Variants in SPTB observed in about 807,000 individuals in gnomAD.
The protein encoded by SPTB is spectrin beta chain, erythrocytic.
In SPTB, 45 loss-of-function variants were observed where a neutral mutation model predicts 256.2. The ratio of observed to expected loss-of-function variants is 0.18; its 90% CI spans 0.14 to 0.23. The LOEUF (loss-of-function observed/expected upper bound fraction) is 0.23, where lower values mean the gene tolerates loss of function less well. Among genes scored for constraint, SPTB ranks in the 10% least tolerant of loss-of-function variants. The pLI is 1.00. For missense variants in SPTB, 2,715 were observed against 3,040.4 expected (o/e 0.89, Z 2.52); for synonymous variants, 1,231 against 1,243.1 (o/e 0.99, Z 0.21).
intron 20 of SPTB, 116 bp from the exon 21 acceptor site, chr14:64,780,047 T>G (rs1463592999): frequency 2.3e-6 from 2 of 856,122 alleles, no homozygotes; most frequent in Admixed American, 1.8e-5. Context: ...CTCAACTTCC[T>G]CCAAGGAGTC....
intron 20 of SPTB, among the ~76,000 whole-genome samples, chr14:64,781,767 T>C (rs1355441805): frequency 6.6e-6 from 1 of 152,278 alleles, no homozygotes; most frequent in Non-Finnish European, 1.5e-5. Flanking sequence ...TGTACACTTA[T>C]GTTCACTGCA....
At chr14:64,784,517 A>G in intron 18 of SPTB, 124 bp from the exon 19 acceptor site, 1 of 1,288,788 alleles carries the variant, frequency 7.8e-7, no homozygotes, top group Non-Finnish European at 1.1e-6. Context: ...ACAGAAGAGA[A>G]CCCATCTGCA....
At chr14:64,814,396 T>C (rs1361082596) in intron 2 of SPTB, among the ~76,000 whole-genome samples, 1 of 152,358 alleles carries the variant, frequency 6.6e-6, no homozygotes, top group African/African-American at 2.4e-5. Context: ...AAAGTGTCTA[T>C]ATGAGACTTT....
In SPTB at chr14:64,749,110, G is replaced by A. The variant is rs2081898499; in HGVS notation, c.*196C>T. On this transcript the variant is annotated 3_prime_UTR_variant, in exon 36 of 36. Transcript: ENST00000644917. This position sits in a 1 kb window ranked among gnomAD's most constrained non-coding sequence, Gnocchi z 4.7. ...TGTCCCTGGAGCGGAGCCAGCGCGG[G>A]CGAGGGCATGGAGGGGGCGTCGGCC... 3 of 565,106 alleles carry A rather than the reference G, an allele frequency of 5.3e-6. No homozygotes were observed. The highest frequency in any genetic ancestry group is 8.9e-6 in the Non-Finnish European group (3 of 337,276). 35.0% of individuals were successfully genotyped at this position (565,106 alleles called of 1,614,324 possible).
chr14:64,804,700 G>T (rs549820105), intron 3 of SPTB, among the ~76,000 whole-genome samples: 1 of 152,338 alleles, frequency 6.6e-6, no homozygotes, highest in African/African-American at 2.4e-5. Context: ...CAGGAGCTCT[G>T]CATGGCTTCT....
chr14:64,874,838 T>G (rs1882731488), intron 1 of SPTB, among the ~76,000 whole-genome samples: 5 of 152,232 alleles, frequency 3.3e-5, no homozygotes, highest in Admixed American at 3.3e-4. Context: ...ACTCCTAAAT[T>G]GACTATAATT....
rs755434241 is a variant in SPTB, at chr14:64,793,555, A to G, written c.2108T>C (p.Met703Thr). 16 of 1,614,124 alleles carry G rather than the reference A, an allele frequency of 9.9e-6. No homozygotes were observed. Among genetic ancestry groups the G allele is most frequent in the South Asian group, 5.5e-5 (5 of 91,078 alleles). The change falls in exon 14 of 36, where the codon ATG becomes ACG. Residue 703 changes from methionine (M) to threonine (T), a missense_variant. This residue lies in a region of SPTB where 2,239 missense variants were observed against 2,384.4 expected (regional missense o/e 0.94). Transcript: ENST00000644917. The surrounding 1 kb of genome is among the most constrained non-coding windows in gnomAD (Gnocchi z 7.0). ...GTGCCCAAACTGCTTGCGCGCAACC[A>G]TGCCATGAGCCTCCTGGAAGATCTG... ...LEQIFQEAHG[M>T]VARKQFGHPQ...
chr14:64,839,693 A>G (rs2083575449), intron 1 of SPTB, among the ~76,000 whole-genome samples: 1 of 152,224 alleles, frequency 6.6e-6, no homozygotes, highest in Non-Finnish European at 1.5e-5. Context: ...TCTGATGAGA[A>G]AAATGTAGAA....
chr14:64,822,370 T>TCACACACACACACACACACA (rs2083305230), intron 2 of SPTB, among the ~76,000 whole-genome samples: 10 of 1,460 alleles, frequency 6.8e-3, no homozygotes, highest in Non-Finnish European at 0.013. Context: ...TCTCTCTCTC[T>TCACACACACACACACACACA]CTCTCACACA....
At position 64,785,530 on chromosome 14, in the gene SPTB, G is replaced by T. The variant is rs774462377; in HGVS notation, c.3855+7C>A. 5.6e-6 allele frequency: 9 copies of T among 1,610,600 alleles called. No homozygotes were observed. In the East Asian group the frequency reaches 2.0e-4, roughly 36 times the overall value. ...AGGAAAGCAGCCACTCCTTGCTGGA[G>T]CCTCACCTCCTGGCAGTTCTGGAGG... On this transcript the variant is annotated splice_region_variant and intron_variant, in intron 18 of 35. Transcript: ENST00000644917. This position sits in a 1 kb window ranked among gnomAD's most constrained non-coding sequence, Gnocchi z 4.4.
intron 33 of SPTB, among the ~76,000 whole-genome samples, chr14:64,752,999 G>T (rs2081973340): frequency 6.6e-6 from 1 of 152,110 alleles, no homozygotes; most frequent in Admixed American, 6.5e-5. Context: ...AGAGTCACCA[G>T]ATGACAGCAT....
At chr14:64,821,547 A>C (rs2083287683) in intron 2 of SPTB, among the ~76,000 whole-genome samples, 1 of 151,854 alleles carries the variant, frequency 6.6e-6, no homozygotes, top group Non-Finnish European at 1.5e-5. Flanking sequence ...TCCAGCCAGC[A>C]CAGAGATATA....
chr14:64,775,146 G>A lies in SPTB; in HGVS notation c.4821C>T (p.Val1607=). ...AGACCTTGGGGATCTCATCGGAGATGACGTAGAGCTCCTGCTCGCCAATCC... is the reference window on the plus strand; with the variant it reads ...AGACCTTGGGGATCTCATCGGAGATAACGTAGAGCTCCTGCTCGCCAATCC... ...EAWIGEQELY[V]ISDEIPKDEE... Residue 1607 remains valine, a synonymous_variant, in exon 23 of 36, where the codon GTC becomes GTT. Transcript: ENST00000644917. The surrounding 1 kb of genome is among the most constrained non-coding windows in gnomAD (Gnocchi z 5.0). 3 of 1,613,986 alleles carry A rather than the reference G, an allele frequency of 1.9e-6. No homozygotes were observed. Among genetic ancestry groups the A allele is most frequent in the Non-Finnish European group, 2.5e-6 (3 of 1,180,050 alleles).
chr14:64,807,288 T>C lies in SPTB; in HGVS notation c.149-2198A>G, dbSNP rs1253793008. ...TTAAGAATGCAAACATTTCATTACG[T>C]GGGTGCTGAGAACTATTTATCTGTG... is the stretch of plus-strand genomic sequence containing the variant. On this transcript the variant is annotated intron_variant, in intron 2 of 35. Transcript: ENST00000644917. This position sits in a 1 kb window ranked among gnomAD's most constrained non-coding sequence, Gnocchi z 4.7. Among the ~76,000 whole-genome samples, 1 of 152,176 alleles carries C rather than the reference T, an allele frequency of 6.6e-6. No homozygotes were observed. Among genetic ancestry groups the C allele is most frequent in the African/African-American group, 2.4e-5 (1 of 41,438 alleles).
chr14:64,842,653 T>C (rs939320795), intron 1 of SPTB, among the ~76,000 whole-genome samples: 1 of 152,256 alleles, frequency 6.6e-6, no homozygotes, highest in Non-Finnish European at 1.5e-5. Flanking sequence ...TGAATCTGTG[T>C]GGTCTACAAA....
Position 64,760,318 on chromosome 14 carries a change from C to T in SPTB, c.6345+6408G>A, listed in dbSNP as rs1163050983. On this transcript the variant is annotated intron_variant, in intron 32 of 35. Coordinates refer to ENST00000644917, the MANE Select transcript of SPTB (RefSeq NM_001355436.2). The surrounding 1 kb of genome is among the most constrained non-coding windows in gnomAD (Gnocchi z 4.3). The stretch of plus-strand genomic sequence containing the variant: ...ATGGCCAGGTGGGTAAATGTCTTCT[C>T]CGGGCCAAAGGAGGTGAAGGTGTAT... Among the ~76,000 whole-genome samples, 1 of 152,034 alleles carries T rather than the reference C, an allele frequency of 6.6e-6. No individual in the cohort carries two copies. Among genetic ancestry groups the T allele is most frequent in the Non-Finnish European group, 1.5e-5 (1 of 68,010 alleles).
At position 64,760,421 on chromosome 14, in the gene SPTB, C is replaced by A. The variant is rs1257687953; in HGVS notation, c.6345+6305G>T. On this transcript the variant is annotated intron_variant, in intron 32 of 35. Coordinates refer to ENST00000644917, the MANE Select transcript of SPTB (RefSeq NM_001355436.2). The surrounding 1 kb of genome is among the most constrained non-coding windows in gnomAD (Gnocchi z 4.3). ...CCTCAGGCTCCCAGGAGAAACACAA[C>A]CTGGCTCCGGACCACAGGGTGTTTC... Among the ~76,000 whole-genome samples the A allele has an allele frequency of 1.3e-5, 2 of 152,168 alleles. No individual in the cohort carries two copies. The highest frequency in any genetic ancestry group is 2.9e-5 in the Non-Finnish European group (2 of 68,036).
rs529826971 is a variant in SPTB, at chr14:64,834,134, C to T, written c.-51-10989G>A. Among the ~76,000 whole-genome samples, 3 of 152,238 alleles carry T rather than the reference C, an allele frequency of 2.0e-5. No individual in the cohort carries two copies. The South Asian group carries it at 6.2e-4, about 32-fold the overall frequency. ...CTCCGCCTTCCAGGTTCAAGTGATT[C>T]TCTTGTCTCAGCCTCCCAAGTAGCT... On this transcript the variant is annotated intron_variant, in intron 1 of 35. Coordinates refer to ENST00000644917, the MANE Select transcript of SPTB (RefSeq NM_001355436.2).
rs141762497 is a variant in SPTB, at chr14:64,787,028, G to A, written c.2937C>T (p.Ser979=). The change falls in exon 16 of 36, where the codon TCC becomes TCT. Residue 979 remains serine (S), a synonymous_variant. Transcript: ENST00000644917. ...CCAGGTCCCGCCCCAGGTCTTTTGTGGACTCCACTACCTTTGTCTTGTCCG... is the reference window on the plus strand; with the variant it reads ...CCAGGTCCCGCCCCAGGTCTTTTGTAGACTCCACTACCTTTGTCTTGTCCG... The part of the protein sequence containing the change: ...WITDKTKVVE[S]TKDLGRDLAG... The A allele has an allele frequency of 6.1e-5, 99 of 1,614,064 alleles. No individual in the cohort carries two copies. In the African/African-American group the frequency reaches 1.1e-3, roughly 18 times the overall value.
Sources: allele counts gnomAD v4.1 joint callset (sites outside exome capture counted in the v4.1 genomes callset), GRCh38; gene constraint gnomAD v4.1.1; regional missense constraint gnomAD v4.1.1; non-coding constraint Gnocchi (gnomAD v3.1); transcripts MANE v1.5; gene names NCBI Gene and HGNC (gene_info 2026-07-23, HGNC 2026-07-21).